Variants in LRRC49 observed in about 807,000 individuals in gnomAD.
LRRC49 encodes the protein leucine rich repeat containing 49.
Under a neutral mutation model 83.3 loss-of-function variants are expected in LRRC49, and 50 were observed. That is an observed-to-expected ratio of 0.60 (90% confidence interval 0.48 to 0.76). LRRC49 has a LOEUF of 0.76. LRRC49 is among the 30% of genes least tolerant of loss of function. The probability of loss-of-function intolerance (pLI) is 0.00; values close to 1 mark genes in which losing one functional copy is unlikely to be tolerated. For synonymous variants in LRRC49, 286 were observed against 283.3 expected (o/e 1.01, Z -0.10); for missense variants, 704 against 809.1 (o/e 0.87, Z 1.58).
intron 8 of LRRC49, among the ~76,000 whole-genome samples, chr15:70,961,533 A>G (rs76588014): frequency 0.029 from 4,423 of 152,302 alleles, 220 homozygotes; most frequent in African/African-American, 0.1. Flanking sequence ...TAAAGAAGCT[A>G]TGGTATATCC....
chr15:70,994,544 G>A (rs191291024), intron 11 of LRRC49, among the ~76,000 whole-genome samples: 63 of 152,050 alleles, frequency 4.1e-4, no homozygotes, highest in East Asian at 2.3e-3. Context: ...GCATGATCTC[G>A]GCTCACTGCA....
chr15:71,013,036 A>G (rs1487526666), intron 14 of LRRC49, 123 bp downstream of exon 14: 5 of 624,886 alleles, frequency 8.0e-6, no homozygotes, highest in East Asian at 2.8e-5. Flanking sequence ...AGACTGGCCT[A>G]TTGAAAGTGT....
intron 6 of LRRC49, among the ~76,000 whole-genome samples, chr15:70,916,913 G>A (rs547199396): frequency 6.2e-4 from 95 of 152,296 alleles, no homozygotes; most frequent in African/African-American, 2.2e-3. Context: ...TCTTGGGGAC[G>A]CAGAAAGTAC....
chr15:70,906,361 C>T (rs1037327829), intron 5 of LRRC49, among the ~76,000 whole-genome samples: 1 of 152,156 alleles, frequency 6.6e-6, no homozygotes, highest in Admixed American at 6.5e-5. Flanking sequence ...TCCCAAAGTG[C>T]TGGGATTACA....
chr15:70,994,153 T>G (rs1472358012), intron 11 of LRRC49, among the ~76,000 whole-genome samples: 1 of 152,206 alleles, frequency 6.6e-6, no homozygotes, highest in Non-Finnish European at 1.5e-5. Context: ...GGCCTCAAAC[T>G]TATTTTTATA....
intron 14 of LRRC49, among the ~76,000 whole-genome samples, chr15:71,027,341 T>C (rs2039205748): frequency 6.6e-6 from 1 of 152,212 alleles, no homozygotes; most frequent in Non-Finnish European, 1.5e-5. Flanking sequence ...TTTTGGTTAC[T>C]GTAGCCTTGT....
chr15:70,993,317 C>G (rs996067174), intron 11 of LRRC49, among the ~76,000 whole-genome samples: 1 of 152,174 alleles, frequency 6.6e-6, no homozygotes, highest in African/African-American at 2.4e-5. Context: ...ATTCCCTGAC[C>G]CTTTGCCCTT....
rs377107607 is a variant in LRRC49 at position 71,048,204 on chromosome 15, C to T, written c.1858-1205C>T. Among the ~76,000 whole-genome samples, 18 of 151,750 alleles carry T rather than the reference C, an allele frequency of 1.2e-4. No individual in the cohort carries two copies. The East Asian group carries it at 3.3e-3, about 28-fold the overall frequency. ...CTGGGCTCAAACGATTCTCCCACCT[C>T]AGCCTCCCAAGTACCTGGAACTACA... On this transcript the variant is annotated intron_variant, in intron 15 of 15. Transcript: ENST00000260382.
At chr15:70,858,742 C>T in intron 1 of LRRC49, 2 of 1,144,610 alleles carry the variant, frequency 1.7e-6, no homozygotes, top group Admixed American at 2.1e-5. Flanking sequence ...AGAAGTCCTA[C>T]AAGATGTCCA....
intron 14 of LRRC49, among the ~76,000 whole-genome samples, chr15:71,033,099 A>G (rs890378598): frequency 3.3e-5 from 5 of 152,216 alleles, no homozygotes; most frequent in Admixed American, 2.6e-4. Flanking sequence ...ACATGGTCCT[A>G]TATCTAGAAA....
chr15:70,976,257 A>G (rs1397559421), intron 9 of LRRC49, among the ~76,000 whole-genome samples: 1 of 152,204 alleles, frequency 6.6e-6, no homozygotes, highest in Non-Finnish European at 1.5e-5. Context: ...TCTTCACTCT[A>G]ACACTAGGTG....
chr15:70,987,846 CG>C (rs1333375976), intron 11 of LRRC49, among the ~76,000 whole-genome samples: 3 of 152,132 alleles, frequency 2.0e-5, no homozygotes, highest in South Asian at 4.2e-4. Context: ...TCTTTGTTCT[CG>C]TTGGTTTCAA....
At chr15:70,998,772 CT>C (rs71152323) in intron 11 of LRRC49, among the ~76,000 whole-genome samples, 120,466 of 150,582 alleles carry the variant, frequency 0.8, 48,701 homozygotes, top group Admixed American at 0.86. Context: ...ATTCTTTCTG[CT>C]TTTTTTTTTC....
At chr15:71,034,524 C>T (rs1770426962) in intron 14 of LRRC49, among the ~76,000 whole-genome samples, 1 of 152,140 alleles carries the variant, frequency 6.6e-6, no homozygotes, top group Admixed American at 6.5e-5. Context: ...CCAGCAATTC[C>T]ATTAGTGGGT....
At chr15:70,988,500 T>A (rs1198343701) in intron 11 of LRRC49, among the ~76,000 whole-genome samples, 1 of 152,198 alleles carries the variant, frequency 6.6e-6, no homozygotes, top group Non-Finnish European at 1.5e-5. Flanking sequence ...TAGATCTTCC[T>A]CCATCTTTTT....
intron 6 of LRRC49, among the ~76,000 whole-genome samples, chr15:70,915,570 C>T (rs918016904): frequency 1.3e-5 from 2 of 152,126 alleles, no homozygotes; most frequent in African/African-American, 4.8e-5. Flanking sequence ...TATTCTTCCT[C>T]TCTGTTTTTC....
At chr15:70,934,310 A>T (rs1445152470) in intron 7 of LRRC49, among the ~76,000 whole-genome samples, 1 of 152,192 alleles carries the variant, frequency 6.6e-6, no homozygotes, top group Non-Finnish European at 1.5e-5. Context: ...TATATCACAG[A>T]ATTGCTAAAA....
chr15:71,048,454 T>G (rs965884657), intron 15 of LRRC49, among the ~76,000 whole-genome samples: 9 of 152,200 alleles, frequency 5.9e-5, no homozygotes, highest in African/African-American at 1.9e-4. Flanking sequence ...TGTTTTGACT[T>G]GAGTTGGAGA....
At chr15:70,931,717 T>C (rs2035414735) in intron 7 of LRRC49, among the ~76,000 whole-genome samples, 1 of 152,222 alleles carries the variant, frequency 6.6e-6, no homozygotes, top group African/African-American at 2.4e-5. Context: ...CTTCATCTGT[T>C]GCCTGAAAGT....
Sources: gnomAD v4.1 joint callset for allele counts (sites outside exome capture counted in the v4.1 genomes callset) on GRCh38, gnomAD v4.1.1 for gene constraint, MANE v1.5 for transcripts, NCBI Gene and HGNC (gene_info 2026-07-23, HGNC 2026-07-21) for gene names.